Variants in NID2 observed in about 807,000 individuals in gnomAD.
NID2 encodes the protein nidogen 2, also known as nidogen-2.
A neutral mutation model predicts 145.4 loss-of-function variants in NID2; 83 were observed. That is an observed-to-expected ratio of 0.57 (90% CI 0.48 to 0.69). The LOEUF is 0.69. Ranked by LOEUF, NID2 falls within the 30% of genes least tolerant of loss-of-function variation. NID2 has a pLI of 0.00. For synonymous variants in NID2, 739 were observed against 701.3 expected, an observed-to-expected ratio of 1.05 and a Z score of -0.85; for missense variants, 1,807 against 1,765.7, an observed-to-expected ratio of 1.02 and a Z score of -0.42.
chr14:52,060,050 G>A (rs556628153), intron 3 of NID2, 74 bp downstream of exon 3: 1 of 1,058,452 alleles, frequency 9.4e-7, no homozygotes, highest in South Asian at 1.6e-5. Context: ...TGGTCTTATG[G>A]TCACTTGTGT....
At chr14:52,030,910 G>A (rs935778192) in intron 9 of NID2, among the ~76,000 whole-genome samples, 6 of 152,150 alleles carry the variant, frequency 3.9e-5, no homozygotes, top group African/African-American at 1.4e-4. Context: ...TATGTGTGAG[G>A]CATTGTTCTA....
chr14:52,028,582 GT>G, intron 11 of NID2, 139 bp downstream of exon 11: 1 of 986,082 alleles, frequency 1.0e-6, no homozygotes, highest in African/African-American at 1.7e-5. Context: ...CCAGCTTTGG[GT>G]TATTTTGATG....
At chr14:52,039,020 A>G (rs776963856) in intron 8 of NID2, 43 bp from the exon 9 acceptor site, 1 of 1,378,664 alleles carries the variant, frequency 7.3e-7, no homozygotes, top group Non-Finnish European at 1.0e-6. Flanking sequence ...TATTAAATAC[A>G]GAGATTTTCA....
At chr14:52,059,264 C>A (rs1378229538) in intron 3 of NID2, among the ~76,000 whole-genome samples, 1 of 152,168 alleles carries the variant, frequency 6.6e-6, no homozygotes, top group Non-Finnish European at 1.5e-5. Context: ...ATAGTGGTCT[C>A]TTTCTGGTAG....
In NID2 at chr14:52,040,728, C is replaced by T; in HGVS notation, c.1949G>A (p.Gly650Asp). The T allele has an allele frequency of 6.2e-7, 1 of 1,614,044 alleles. No individual in the cohort carries two copies. The highest frequency in any genetic ancestry group is 8.5e-7 in the Non-Finnish European group (1 of 1,180,012). The part of the protein sequence containing the change: ...NYLSIKTNIQ[G>D]QVPYVSANFT... ...ATTTGCTGAGACGTAAGGCACCTGGCCTTGAATGTTGGTCTTAATGCTCAG... is the reference window on the plus strand; with the variant it reads ...ATTTGCTGAGACGTAAGGCACCTGGTCTTGAATGTTGGTCTTAATGCTCAG... Residue 650 changes from glycine to aspartate, a missense_variant, in exon 8 of 22, where the codon GGC becomes GAC. By Grantham distance (94) the Gly-to-Asp change is moderately conservative. Coordinates refer to ENST00000216286, the MANE Select transcript of NID2 (RefSeq NM_007361.4).
intron 9 of NID2, among the ~76,000 whole-genome samples, chr14:52,030,585 A>AAGG (rs1566755739): frequency 2.5e-5 from 1 of 40,470 alleles, no homozygotes; most frequent in Admixed American, 3.0e-4. Context: ...AGGGAAAGAA[A>AAGG]GAAAGAAAGA....
intron 9 of NID2, among the ~76,000 whole-genome samples, chr14:52,034,130 A>C (rs1891974459): frequency 6.6e-6 from 1 of 152,162 alleles, no homozygotes; most frequent in African/African-American, 2.4e-5. Context: ...TTATTATTTG[A>C]CTGGGGTGGG....
chr14:52,051,310 T>G (rs1892671799), intron 5 of NID2, among the ~76,000 whole-genome samples: 1 of 152,232 alleles, frequency 6.6e-6, no homozygotes, highest in Non-Finnish European at 1.5e-5. Context: ...GGCAGGGTGC[T>G]TCCCAAGCTC....
chr14:52,036,108 C>T (rs1157005176), intron 9 of NID2, among the ~76,000 whole-genome samples: 2 of 152,128 alleles, frequency 1.3e-5, no homozygotes, highest in African/African-American at 4.8e-5. Context: ...TCACCACAAT[C>T]AATTTCAGAA....
Position 52,025,033 on chromosome 14 carries a change from T to A in NID2, c.2674+2168A>T, listed in dbSNP as rs914991275. ...TAAACCAGAGAGCTAAGGAACTAAA[T>A]ATTTTAAAAGCACCATCTCTGCTGA... On this transcript the variant is annotated intron_variant, in intron 12 of 21. Coordinates refer to ENST00000216286, the MANE Select transcript of NID2 (RefSeq NM_007361.4). Among the ~76,000 whole-genome samples the A allele has an allele frequency of 7.2e-5, 11 of 152,250 alleles. 1 individual carries two copies. Among genetic ancestry groups the A allele is most frequent in the African/African-American group, 2.7e-4 (11 of 41,464 alleles).
chr14:52,014,502 C>T, intron 15 of NID2, 46 bp from the exon 16 acceptor site: 1 of 1,554,448 alleles, frequency 6.4e-7, no homozygotes, highest in Non-Finnish European at 8.7e-7. Flanking sequence ...CAAGGGCAGG[C>T]AGGGAGATGG....
At chr14:52,065,471 T>C (rs868671934) in intron 2 of NID2, among the ~76,000 whole-genome samples, 8,901 of 127,594 alleles carry the variant, frequency 0.07, 411 homozygotes, top group African/African-American at 0.12. Flanking sequence ...TTTTTTTTTT[T>C]CCCCTTTCTT....
At chr14:52,041,771 T>A (rs1045413983) in intron 7 of NID2, among the ~76,000 whole-genome samples, 3 of 152,186 alleles carry the variant, frequency 2.0e-5, no homozygotes. Context: ...CCAAGTACCA[T>A]TTTTGCATTT....
intron 20 of NID2, chr14:52,006,253 A>G: frequency 2.4e-6 from 1 of 412,082 alleles, no homozygotes; most frequent in Non-Finnish European, 4.5e-6. Flanking sequence ...ACATATTTAG[A>G]TTAATATGCT....
At position 52,023,624 on chromosome 14, in the gene NID2, G is replaced by A. The variant is rs549073297; in HGVS notation, c.2675-3446C>T. ...CCTCCACTCACACTTGCTCCTCCTG[G>A]GAAGGTCCCAACTCAAGACAATCTG... On this transcript the variant is annotated intron_variant, in intron 12 of 21. Transcript: ENST00000216286. Among the ~76,000 whole-genome samples, 98 of 152,164 alleles carry A rather than the reference G, an allele frequency of 6.4e-4. 1 individual carries two copies. The highest frequency in any genetic ancestry group is 5.6e-3 in the Admixed American group (86 of 15,282).
At chr14:52,019,707 G>A (rs904019738) in intron 13 of NID2, among the ~76,000 whole-genome samples, 6 of 152,156 alleles carry the variant, frequency 3.9e-5, no homozygotes, top group South Asian at 4.2e-4. Flanking sequence ...TAACACGGTC[G>A]CCACGGGCTT....
rs572214757 is a variant in NID2 at position 52,005,107 on chromosome 14, G to C, written c.*379C>G. On this transcript the variant is annotated 3_prime_UTR_variant, in exon 22 of 22. Coordinates refer to ENST00000216286, the MANE Select transcript of NID2 (RefSeq NM_007361.4). ...GATTATATTGTTATATTGATCACAT[G>C]TGCTTTAATTTCTTGGCCAGAAGGA... The C allele has an allele frequency of 5.4e-4, 95 of 177,260 alleles. No individual in the cohort carries two copies. The highest frequency in any genetic ancestry group is 3.1e-3 in the South Asian group (17 of 5,538). 11.0% of individuals were successfully genotyped at this position (177,260 alleles called of 1,614,324 possible). A position where few individuals can be genotyped will look rare whatever the true frequency, so the allele number is the denominator to read the frequency against.
At chr14:52,039,101 T>C in intron 8 of NID2, 124 bp from the exon 9 acceptor site, 1 of 694,174 alleles carries the variant, frequency 1.4e-6, no homozygotes, top group Non-Finnish European at 2.3e-6. Flanking sequence ...ACCTCCTGAG[T>C]TTATATGAAA....
At chr14:52,030,693 G>GA (rs1472193043) in intron 9 of NID2, among the ~76,000 whole-genome samples, 3 of 151,182 alleles carry the variant, frequency 2.0e-5, no homozygotes, top group Non-Finnish European at 4.4e-5. Flanking sequence ...GAAAAGAAAA[G>GA]AAAGAAAATT....
Sources: allele counts gnomAD v4.1 joint callset (sites outside exome capture counted in the v4.1 genomes callset), GRCh38; gene constraint gnomAD v4.1.1; transcripts MANE v1.5; gene names NCBI Gene and HGNC (gene_info 2026-07-23, HGNC 2026-07-21).